Variants in RBPMS2 observed in about 807,000 individuals in gnomAD.
RBPMS2 encodes RNA-binding protein with multiple splicing 2.
RBPMS2 carries 14 observed loss-of-function variants against 25.7 expected under a neutral mutation model. The observed-to-expected ratio is 0.55, with a 90% CI of 0.36 to 0.85. The LOEUF is 0.85. Among genes scored for constraint, RBPMS2 ranks in the 40% least tolerant of loss-of-function variants. RBPMS2 has a pLI of 0.01. For missense variants in RBPMS2, 252 were observed against 283.4 expected (o/e 0.89, Z 0.80); for synonymous variants, 127 against 115.6 (o/e 1.10, Z -0.63).
intron 1 of RBPMS2, among the ~76,000 whole-genome samples, chr15:64,760,015 G>A (rs1480968106): frequency 6.6e-6 from 1 of 152,182 alleles, no homozygotes; most frequent in Non-Finnish European, 1.5e-5. Context: ...GTCTCTCTTG[G>A]CCCTGGACAC....
At chr15:64,755,384 A>G (rs2083723855) in intron 1 of RBPMS2, among the ~76,000 whole-genome samples, 1 of 152,122 alleles carries the variant, frequency 6.6e-6, no homozygotes, top group African/African-American at 2.4e-5. Context: ...CCGGGAGGCT[A>G]AATCACAGCA....
intron 3 of RBPMS2, among the ~76,000 whole-genome samples, chr15:64,750,011 G>A (rs2083660592): frequency 6.6e-6 from 1 of 151,586 alleles, no homozygotes; most frequent in Non-Finnish European, 1.5e-5. Flanking sequence ...GAGCTCAATC[G>A]TGCCATTGCA....
intron 1 of RBPMS2, among the ~76,000 whole-genome samples, chr15:64,753,343 T>C (rs548474975): frequency 2.0e-5 from 3 of 152,300 alleles, no homozygotes; most frequent in Non-Finnish European, 4.4e-5. Flanking sequence ...ACCAAAGAAC[T>C]TGCTCCGCTC....
At chr15:64,746,546 G>C (rs2083619398) in intron 6 of RBPMS2, among the ~76,000 whole-genome samples, 1 of 152,196 alleles carries the variant, frequency 6.6e-6, no homozygotes, top group African/African-American at 2.4e-5. Flanking sequence ...TGAGAACCAG[G>C]ATTTGGGCCA....
intron 1 of RBPMS2, among the ~76,000 whole-genome samples, chr15:64,771,872 T>C (rs188697049): frequency 8.8e-4 from 134 of 152,198 alleles, no homozygotes; most frequent in African/African-American, 3.2e-3. Flanking sequence ...GGCAGGAGAA[T>C]TGCTTGAACC....
intron 6 of RBPMS2, among the ~76,000 whole-genome samples, chr15:64,745,816 T>C (rs2083613590): frequency 6.6e-6 from 1 of 152,142 alleles, no homozygotes; most frequent in South Asian, 2.1e-4. Context: ...TGCAGCCACG[T>C]AGCTGTGGAG....
intron 1 of RBPMS2, among the ~76,000 whole-genome samples, chr15:64,773,814 C>A (rs1308961865): frequency 6.6e-6 from 1 of 152,092 alleles, no homozygotes; most frequent in African/African-American, 2.4e-5. Context: ...TGTCACCCTC[C>A]CCAACTGTCA....
chr15:64,751,908 G>A (rs1353403115), intron 1 of RBPMS2, among the ~76,000 whole-genome samples: 1 of 151,918 alleles, frequency 6.6e-6, no homozygotes, highest in Non-Finnish European at 1.5e-5. Context: ...GGTGAACAGA[G>A]GCAAAAAGAA....
chr15:64,773,949 G>T (rs936469876), intron 1 of RBPMS2, among the ~76,000 whole-genome samples: 1 of 152,226 alleles, frequency 6.6e-6, no homozygotes, highest in African/African-American at 2.4e-5. Flanking sequence ...CCACACTTAA[G>T]TCATTAGTGG....
chr15:64,773,383 C>T (rs1472133233), intron 1 of RBPMS2, among the ~76,000 whole-genome samples: 3 of 152,202 alleles, frequency 2.0e-5, no homozygotes, highest in African/African-American at 4.8e-5. Context: ...ACCCTCAGAA[C>T]CCTTTGTTCT....
intron 1 of RBPMS2, among the ~76,000 whole-genome samples, chr15:64,755,392 G>A (rs901975017): frequency 1.3e-5 from 2 of 152,214 alleles, no homozygotes; most frequent in South Asian, 4.2e-4. Flanking sequence ...CTAAATCACA[G>A]CAAGTGTGAT....
chr15:64,758,472 C>G (rs2083753518), intron 1 of RBPMS2, among the ~76,000 whole-genome samples: 1 of 152,194 alleles, frequency 6.6e-6, no homozygotes, highest in Admixed American at 6.5e-5. Flanking sequence ...AGGAACAACC[C>G]TTCTGGTGGA....
At chr15:64,746,501 G>A (rs749586962) in intron 6 of RBPMS2, among the ~76,000 whole-genome samples, 3 of 152,218 alleles carry the variant, frequency 2.0e-5, no homozygotes, top group Non-Finnish European at 4.4e-5. Flanking sequence ...GAAACACAGA[G>A]ATGGTGGGTA....
chr15:64,765,765 G>A (rs961885849), intron 1 of RBPMS2, among the ~76,000 whole-genome samples: 2 of 152,144 alleles, frequency 1.3e-5, no homozygotes, highest in Admixed American at 1.3e-4. Flanking sequence ...CCAACATGGC[G>A]AAACCCTATC....
At chr15:64,760,649 A>G (rs868460848) in intron 1 of RBPMS2, among the ~76,000 whole-genome samples, 1 of 151,906 alleles carries the variant, frequency 6.6e-6, no homozygotes. Context: ...AAAAATACAA[A>G]AATCAGCCAG....
At chr15:64,749,220 A>G in intron 4 of RBPMS2, 70 bp from the exon 5 acceptor site, 1 of 1,568,176 alleles carries the variant, frequency 6.4e-7, no homozygotes, top group South Asian at 1.1e-5. Flanking sequence ...CAGAGAGTAG[A>G]GAAGGGCGCC....
At chr15:64,744,675 T>TA (rs1172407004) in intron 6 of RBPMS2, among the ~76,000 whole-genome samples, 1 of 151,680 alleles carries the variant, frequency 6.6e-6, no homozygotes, top group Non-Finnish European at 1.5e-5. Context: ...CAAACCAATT[T>TA]ACCATCTACA....
chr15:64,762,984 C>A (rs2083804733), intron 1 of RBPMS2, among the ~76,000 whole-genome samples: 1 of 148,776 alleles, frequency 6.7e-6, no homozygotes, highest in Non-Finnish European at 1.5e-5. Flanking sequence ...TCTGCAGAGC[C>A]AACGTTAGGG....
At chr15:64,759,708 T>C (rs1595791453) in intron 1 of RBPMS2, among the ~76,000 whole-genome samples, 2 of 152,274 alleles carry the variant, frequency 1.3e-5, no homozygotes, top group South Asian at 4.1e-4. Context: ...GGAGTCTTGC[T>C]GTCACCTAGG....
Sources: gnomAD v4.1 joint callset for allele counts (sites outside exome capture counted in the v4.1 genomes callset) on GRCh38, gnomAD v4.1.1 for gene constraint, MANE v1.5 for transcripts, NCBI Gene and HGNC (gene_info 2026-07-23, HGNC 2026-07-21) for gene names.